Variants in YAP1 observed in about 807,000 individuals in gnomAD.
The protein encoded by YAP1 is transcriptional coactivator YAP1.
Under a neutral mutation model 56.9 loss-of-function variants are expected in YAP1, and 5 were observed. The observed-to-expected ratio is 0.09, with a 90% confidence interval of 0.05 to 0.18. YAP1 has a LOEUF of 0.18. YAP1 is among the 10% of genes least tolerant of loss of function. YAP1 has a pLI of 1.00. For missense variants in YAP1, 539 were observed against 651.8 expected (o/e 0.83, Z 1.88); for synonymous variants, 265 against 248.1 (o/e 1.07, Z -0.64).
chr11:102,163,911 G>A (rs930657327), intron 3 of YAP1, among the ~76,000 whole-genome samples: 10 of 152,272 alleles, frequency 6.6e-5, no homozygotes, highest in Admixed American at 2.6e-4. Flanking sequence ...GGCAACATTT[G>A]TGATTGGGCT....
At chr11:102,190,563 T>G (rs1265334042) in intron 4 of YAP1, among the ~76,000 whole-genome samples, 1 of 151,870 alleles carries the variant, frequency 6.6e-6, no homozygotes, top group Non-Finnish European at 1.5e-5. Flanking sequence ...GCGGCAGAGG[T>G]TGCAGTGAGT....
At chr11:102,181,224 T>A (rs1947599483) in intron 3 of YAP1, among the ~76,000 whole-genome samples, 1 of 151,692 alleles carries the variant, frequency 6.6e-6, no homozygotes, top group Non-Finnish European at 1.5e-5. Flanking sequence ...GGTGGGCGGA[T>A]CACGAGGTCA....
intron 6 of YAP1, among the ~76,000 whole-genome samples, chr11:102,213,541 G>A (rs1949518222): frequency 6.6e-6 from 1 of 152,118 alleles, no homozygotes; most frequent in Non-Finnish European, 1.5e-5. Flanking sequence ...GTACCTATGA[G>A]ATCGAGTTTA....
chr11:102,178,714 T>G (rs561610538), intron 3 of YAP1, among the ~76,000 whole-genome samples: 1 of 152,344 alleles, frequency 6.6e-6, no homozygotes, highest in Admixed American at 6.5e-5. Flanking sequence ...CTCTTTTTGC[T>G]TATCCTGAAT....
intron 3 of YAP1, among the ~76,000 whole-genome samples, chr11:102,168,724 G>A (rs1167032112): frequency 4.6e-5 from 7 of 152,172 alleles, no homozygotes; most frequent in African/African-American, 1.7e-4. Context: ...GAGTAGTATA[G>A]AGCTGCCTTA....
chr11:102,111,659 G>T (rs1453867505), intron 1 of YAP1, among the ~76,000 whole-genome samples: 1 of 152,172 alleles, frequency 6.6e-6, no homozygotes, highest in Non-Finnish European at 1.5e-5. Flanking sequence ...GCCAGCGGCG[G>T]CCGAGTTTGT....
chr11:102,162,575 A>C lies in YAP1; in HGVS notation c.688+4A>C. Reference sequence around the variant, plus strand: ...AATATGATGAACTCGGCTTCAGGTGAGTGAGACACTGTAATTACAGCACAT... The same window carrying C: ...AATATGATGAACTCGGCTTCAGGTGCGTGAGACACTGTAATTACAGCACAT... On this transcript the variant is annotated splice_donor_region_variant and intron_variant, in intron 3 of 8. Transcript: ENST00000282441. The C allele has an allele frequency of 6.2e-7, 1 of 1,612,516 alleles. No homozygotes were observed. The highest frequency in any genetic ancestry group is 8.5e-7 in the Non-Finnish European group (1 of 1,178,474).
chr11:102,211,085 A>G (rs1029176041), intron 6 of YAP1, among the ~76,000 whole-genome samples: 2 of 152,202 alleles, frequency 1.3e-5, no homozygotes, highest in African/African-American at 4.8e-5. Context: ...AATTTTATTC[A>G]TGATAAATGA....
At chr11:102,136,180 T>C (rs1450647138) in intron 2 of YAP1, among the ~76,000 whole-genome samples, 3 of 152,208 alleles carry the variant, frequency 2.0e-5, no homozygotes, top group African/African-American at 4.8e-5. Context: ...TTGATCACCA[T>C]TGGATCTGAG....
Position 102,124,245 on chromosome 11 carries a change from G to A in YAP1, c.572+9851G>A, listed in dbSNP as rs572987651. Among the ~76,000 whole-genome samples, 23 of 152,134 alleles carry A rather than the reference G, an allele frequency of 1.5e-4. No homozygotes were observed. In the South Asian group the frequency reaches 3.7e-3, roughly 25 times the overall value. ...TGGGATTACAGGCATGAGCTGCTGC[G>A]CCCGGCACTCCATTTTCTTCTAGCT... On this transcript the variant is annotated intron_variant, in intron 2 of 8. Coordinates refer to ENST00000282441, the MANE Select transcript of YAP1 (RefSeq NM_001130145.3).
intron 6 of YAP1, among the ~76,000 whole-genome samples, chr11:102,213,272 G>C (rs766330921): frequency 2.6e-5 from 4 of 152,152 alleles, no homozygotes; most frequent in Non-Finnish European, 5.9e-5. Flanking sequence ...ATCACCTGAA[G>C]TCAGGAGTTT....
At chr11:102,194,021 G>A (rs991157823) in intron 4 of YAP1, among the ~76,000 whole-genome samples, 1 of 152,002 alleles carries the variant, frequency 6.6e-6, no homozygotes, top group East Asian at 1.9e-4. Flanking sequence ...TAGCCAGGAT[G>A]GTCTCGATCT....
intron 6 of YAP1, among the ~76,000 whole-genome samples, chr11:102,218,128 G>A (rs1260045338): frequency 6.6e-6 from 1 of 152,086 alleles, no homozygotes; most frequent in East Asian, 1.9e-4. Flanking sequence ...AAATTTACTT[G>A]GAATATCTAA....
Position 102,220,332 on chromosome 11 carries a change from C to A in YAP1, c.1033-3290C>A, listed in dbSNP as rs80036766. 5.7e-4 allele frequency among the ~76,000 whole-genome samples: 86 copies of A among 152,144 alleles called. 3 individuals are homozygous for A. The East Asian group carries it at 0.011, about 20-fold the overall frequency. The stretch of plus-strand genomic sequence containing the variant: ...CCAAGAACAAAACAAAACAAAAAAA[C>A]CAATAAGTGGTACTAGGGTCCATCC... On this transcript the variant is annotated intron_variant, in intron 6 of 8. Coordinates refer to ENST00000282441, the MANE Select transcript of YAP1 (RefSeq NM_001130145.3).
At chr11:102,193,846 T>G (rs544294201) in intron 4 of YAP1, among the ~76,000 whole-genome samples, 21 of 151,514 alleles carry the variant, frequency 1.4e-4, no homozygotes, top group African/African-American at 4.3e-4. Flanking sequence ...GATTTTTGTT[T>G]TTTTTTTTTT....
chr11:102,159,885 T>C (rs2135388702), intron 2 of YAP1, among the ~76,000 whole-genome samples: 1 of 152,242 alleles, frequency 6.6e-6, no homozygotes, highest in East Asian at 1.9e-4. Flanking sequence ...AGAAATTAGG[T>C]GCTTTGTGGG....
chr11:102,191,198 A>T (rs989136405), intron 4 of YAP1, among the ~76,000 whole-genome samples: 1 of 151,862 alleles, frequency 6.6e-6, no homozygotes, highest in African/African-American at 2.4e-5. Flanking sequence ...TTATTAACTG[A>T]TAAAACTCAC....
chr11:102,180,082 T>A (rs1188010712), intron 3 of YAP1, among the ~76,000 whole-genome samples: 1 of 148,176 alleles, frequency 6.7e-6, no homozygotes, highest in Non-Finnish European at 1.5e-5. Flanking sequence ...CAATCTTGGC[T>A]CACTGCAACC....
chr11:102,119,134 C>G (rs1943493966), intron 2 of YAP1, among the ~76,000 whole-genome samples: 1 of 151,474 alleles, frequency 6.6e-6, no homozygotes, highest in African/African-American at 2.4e-5. Context: ...GCCCTTAGCT[C>G]TGGGGGGTGG....
Sources: gnomAD v4.1 joint callset for allele counts (sites outside exome capture counted in the v4.1 genomes callset) on GRCh38, gnomAD v4.1.1 for gene constraint, MANE v1.5 for transcripts, NCBI Gene and HGNC (gene_info 2026-07-23, HGNC 2026-07-21) for gene names.